ADGRB3: variants seen among roughly 807,000 people sequenced by gnomAD.
The protein encoded by ADGRB3 is brain-specific angiogenesis inhibitor 3.
ADGRB3 carries 37 observed loss-of-function variants against 193.4 expected under a neutral mutation model. The observed-to-expected ratio is 0.19, with a 90% CI of 0.15 to 0.25. ADGRB3 has a LOEUF of 0.25. Among genes scored for constraint, ADGRB3 ranks in the 10% least tolerant of loss-of-function variants. The pLI is 1.00. For missense variants in ADGRB3, 1,637 were observed against 1,852.9 expected (o/e 0.88, Z 2.14); for synonymous variants, 690 against 644.2 (o/e 1.07, Z -1.08).
At chr6:69,034,685 G>A (rs911774997) in intron 13 of ADGRB3, among the ~76,000 whole-genome samples, 6 of 150,368 alleles carry the variant, frequency 4.0e-5, no homozygotes, top group Non-Finnish European at 7.4e-5. Context: ...AAGACAGAGA[G>A]AGAGTGAGAG....
chr6:69,265,890 AT>A (rs1767029443), intron 20 of ADGRB3, among the ~76,000 whole-genome samples: 4 of 152,000 alleles, frequency 2.6e-5, no homozygotes, highest in African/African-American at 9.7e-5. Context: ...TTCAAGGAAA[AT>A]GTAGTTTGTT....
chr6:68,663,559 A>G (rs1301432234), intron 3 of ADGRB3, among the ~76,000 whole-genome samples: 1 of 151,780 alleles, frequency 6.6e-6, no homozygotes, highest in East Asian at 1.9e-4. Flanking sequence ...TTGCCCATAG[A>G]AGGCAATGCA....
chr6:68,911,125 G>T (rs963759359), intron 3 of ADGRB3, among the ~76,000 whole-genome samples: 1 of 151,918 alleles, frequency 6.6e-6, no homozygotes, highest in Non-Finnish European at 1.5e-5. Context: ...TAGGGACATG[G>T]ATGAAGCTGG....
At position 69,361,225 on chromosome 6, in the gene ADGRB3, A is replaced by G; in HGVS notation, c.3952A>G (p.Asn1318Asp). 6.2e-7 allele frequency: 1 copy of G among 1,612,816 alleles called. No homozygotes were observed. Among genetic ancestry groups the G allele is most frequent in the Non-Finnish European group, 8.5e-7 (1 of 1,179,302 alleles). Residue 1318 changes from asparagine (N) to aspartate (D), a missense_variant, in exon 29 of 32, where the codon AAC becomes GAC. Asn to Asp is a conservative substitution (Grantham distance 23, BLOSUM62 1). Around this residue, in one of 7 missense-constraint regions of ADGRB3, gnomAD observed 368 missense variants for 367.4 expected, o/e 1.00. Coordinates refer to ENST00000370598, the MANE Select transcript of ADGRB3 (RefSeq NM_001704.3). ...TGTGATGCCCAGAAGTTCTGTAAAT[A>G]ACCAGCCTTCAATGAAAGAAGAAAG... ...YIVMPRSSVN[N>D]QPSMKEESKM...
chr6:68,923,622 A>C (rs986656239), intron 3 of ADGRB3, among the ~76,000 whole-genome samples: 2 of 152,074 alleles, frequency 1.3e-5, no homozygotes, highest in African/African-American at 4.8e-5. Flanking sequence ...GTATACAGTG[A>C]TATTGCTTTA....
intron 17 of ADGRB3, among the ~76,000 whole-genome samples, chr6:69,189,076 A>T (rs1345863510): frequency 2.0e-5 from 3 of 152,352 alleles, no homozygotes; most frequent in Middle Eastern, 3.4e-3. Flanking sequence ...ATAACCAATG[A>T]ATTTAACATC....
intron 17 of ADGRB3, among the ~76,000 whole-genome samples, chr6:69,100,902 AAGCGAGGGAGGGAAGGAAGGAAGGAGGG>A (rs1773026993): frequency 2.6e-4 from 1 of 3,920 alleles, no homozygotes; most frequent in Non-Finnish European, 4.4e-4. Context: ...AGGAAGGAAG[AAGCGAGGGAGGGAAGGAAGGAAGGAGGG>A]AGGGAGGGAA....
At chr6:68,987,129 T>C (rs1442068403) in intron 10 of ADGRB3, among the ~76,000 whole-genome samples, 1 of 152,172 alleles carries the variant, frequency 6.6e-6, no homozygotes, top group Non-Finnish European at 1.5e-5. Context: ...ATGCTCACAG[T>C]GTTGCAATGT....
At chr6:68,828,721 G>C (rs1767895739) in intron 3 of ADGRB3, among the ~76,000 whole-genome samples, 1 of 152,040 alleles carries the variant, frequency 6.6e-6, no homozygotes, top group African/African-American at 2.4e-5. Flanking sequence ...TTAAAACCTA[G>C]GAACATAAGC....
chr6:68,955,729 T>C (rs962348986), intron 6 of ADGRB3, among the ~76,000 whole-genome samples: 4 of 151,936 alleles, frequency 2.6e-5, no homozygotes, highest in African/African-American at 9.7e-5. Context: ...GAGGCAGAGG[T>C]TGTAGTCAGC....
intron 3 of ADGRB3, among the ~76,000 whole-genome samples, chr6:68,723,645 G>A (rs960690232): frequency 5.9e-5 from 9 of 151,780 alleles, no homozygotes; most frequent in Admixed American, 2.0e-4. Context: ...ATACCTTGGG[G>A]CTAAGACATA....
At chr6:69,237,575 G>A (rs550588037) in intron 19 of ADGRB3, among the ~76,000 whole-genome samples, 1 of 152,044 alleles carries the variant, frequency 6.6e-6, no homozygotes, top group Non-Finnish European at 1.5e-5. Flanking sequence ...AATTATGAAG[G>A]CAACAATAGG....
At chr6:68,660,097 C>T (rs553406081) in intron 3 of ADGRB3, among the ~76,000 whole-genome samples, 13 of 150,854 alleles carry the variant, frequency 8.6e-5, no homozygotes, top group African/African-American at 2.4e-4. Flanking sequence ...CCTTGAAATT[C>T]GTATAAGCAC....
intron 3 of ADGRB3, among the ~76,000 whole-genome samples, chr6:68,779,213 G>A (rs1766806979): frequency 7.3e-6 from 1 of 136,888 alleles, no homozygotes; most frequent in South Asian, 2.4e-4. Context: ...ATTTTGTATT[G>A]TATATATGTA....
intron 3 of ADGRB3, among the ~76,000 whole-genome samples, chr6:68,754,556 G>T (rs77915095): frequency 0.022 from 3,361 of 152,200 alleles, 62 homozygotes; most frequent in South Asian, 0.07. Context: ...GCACCTGATA[G>T]GTGGTCAGTA....
At chr6:68,951,249 A>G (rs1165240474) in intron 6 of ADGRB3, among the ~76,000 whole-genome samples, 1 of 152,156 alleles carries the variant, frequency 6.6e-6, no homozygotes, top group East Asian at 1.9e-4. Context: ...CACTAATGTC[A>G]TTTTATTGAA....
At chr6:68,845,424 C>G (rs919502890) in intron 3 of ADGRB3, among the ~76,000 whole-genome samples, 3 of 152,028 alleles carry the variant, frequency 2.0e-5, no homozygotes, top group Non-Finnish European at 4.4e-5. Flanking sequence ...AAGACCAGCC[C>G]TGGGGAAATG....
chr6:68,680,564 CAA>C (rs1764877365), intron 3 of ADGRB3, among the ~76,000 whole-genome samples: 2 of 152,084 alleles, frequency 1.3e-5, no homozygotes, highest in African/African-American at 4.8e-5. Context: ...CCTTTAATCC[CAA>C]AGTCTTTGAG....
chr6:69,089,211 C>T (rs1005835892), intron 17 of ADGRB3, among the ~76,000 whole-genome samples: 5 of 152,100 alleles, frequency 3.3e-5, no homozygotes, highest in East Asian at 3.8e-4. Context: ...AATTGTATTG[C>T]AATGTGTCTG....
Sources: allele counts gnomAD v4.1 joint callset (sites outside exome capture counted in the v4.1 genomes callset), GRCh38; gene constraint gnomAD v4.1.1; regional missense constraint gnomAD v4.1.1; transcripts MANE v1.5; gene names NCBI Gene and HGNC (gene_info 2026-07-23, HGNC 2026-07-21).